Variants in CD226 observed in about 807,000 individuals in gnomAD.
CD226 encodes CD226 antigen.
A neutral mutation model predicts 34.9 loss-of-function variants in CD226; 24 were observed. The ratio of observed to expected loss-of-function variants is 0.69; its 90% CI spans 0.50 to 0.97. The LOEUF (loss-of-function observed/expected upper bound fraction) is 0.97, where lower values mean the gene tolerates loss of function less well. CD226 is among the 50% of genes least tolerant of loss of function. The pLI, the probability that CD226 is intolerant of heterozygous loss-of-function variation, is 0.00. For missense variants in CD226, 397 were observed against 412.7 expected, an observed-to-expected ratio of 0.96 and a Z score of 0.33; for synonymous variants, 148 against 147.4, an observed-to-expected ratio of 1.00 and a Z score of -0.03.
chr18:69,887,142 T>C (rs1334772692), intron 3 of CD226, among the ~76,000 whole-genome samples: 1 of 152,142 alleles, frequency 6.6e-6, no homozygotes, highest in Non-Finnish European at 1.5e-5. Flanking sequence ...AAAAGCAAAA[T>C]GACTTGTTTG....
chr18:69,947,161 T>A (rs1282160874), intron 1 of CD226, 92 bp from the exon 2 acceptor site: 2 of 1,122,042 alleles, frequency 1.8e-6, no homozygotes, highest in Non-Finnish European at 2.6e-6. Flanking sequence ...TGCATTGAGA[T>A]CACAGTAAAG....
At chr18:69,880,266 G>C (rs535129789) in intron 3 of CD226, among the ~76,000 whole-genome samples, 62 of 146,062 alleles carry the variant, frequency 4.2e-4, no homozygotes, top group Non-Finnish European at 7.6e-4. Flanking sequence ...CGGAAAGAAG[G>C]AAGGGGAGGG....
upstream of CD226, among the ~76,000 whole-genome samples, chr18:69,957,350 C>CTTTTTTTTTTTTTTT (rs11373057): frequency 6.7e-6 from 1 of 149,464 alleles, no homozygotes. Context: ...TCTAGATACT[C>CTTTTTTTTTTTTTTT]TTTTTTTTTT....
In CD226 at chr18:69,853,652, T is replaced by C. The variant is rs572617915; in HGVS notation, c.*10662A>G. The C allele has an allele frequency of 5.9e-5, 9 of 152,362 alleles. No homozygotes were observed. The highest frequency in any genetic ancestry group is 1.9e-4 in the East Asian group (1 of 5,182). The allele number at this position is 152,362 out of a possible 1,614,324, so 9.4% of individuals were successfully genotyped here. On this transcript the variant is annotated 3_prime_UTR_variant, in exon 6 of 6. Coordinates refer to ENST00000582621, the MANE Select transcript of CD226 (RefSeq NM_001303618.2). ...GCTTGTGAAATCTGGTGCTTTAGAC[T>C]GAGCTCTGTGATGAGTGAGCATCCC...
At chr18:69,913,322 T>C (rs776240455) in intron 2 of CD226, among the ~76,000 whole-genome samples, 9 of 152,184 alleles carry the variant, frequency 5.9e-5, no homozygotes, top group Admixed American at 1.3e-4. Context: ...AAAGTCCTTA[T>C]TGAAGAGATA....
rs370618254 is a variant in CD226, at chr18:69,875,870, T to G, written c.728-2624A>C. On this transcript the variant is annotated intron_variant, in intron 3 of 5. Transcript: ENST00000582621. ...GTGGAATCTAAAAAAGTCAAACTTA[T>G]AGAAGCAGGGAATAGAACAGTGGTT... 2.2e-4 allele frequency among the ~76,000 whole-genome samples: 34 copies of G among 152,272 alleles called. 1 individual carries two copies. The highest frequency in any genetic ancestry group is 7.9e-4 in the African/African-American group (33 of 41,550).
chr18:69,884,040 T>A (rs1219446332), intron 3 of CD226, among the ~76,000 whole-genome samples: 2 of 152,196 alleles, frequency 1.3e-5, no homozygotes, highest in African/African-American at 4.8e-5. Context: ...ATGGGTTGTA[T>A]AAACATTTAG....
intron 2 of CD226, among the ~76,000 whole-genome samples, chr18:69,936,894 T>C (rs1197186367): frequency 6.6e-6 from 1 of 152,214 alleles, no homozygotes. Context: ...TAAGAAAGAC[T>C]CTTTCTCTGT....
intron 3 of CD226, among the ~76,000 whole-genome samples, chr18:69,880,084 C>A (rs553921754): frequency 4.6e-5 from 7 of 151,488 alleles, no homozygotes; most frequent in Non-Finnish European, 8.8e-5. Context: ...ATGCTCTGCA[C>A]TAGTAGGTAG....
rs542137374 is a variant in CD226 at position 69,882,697 on chromosome 18, A to G, written c.728-9451T>C. The stretch of plus-strand genomic sequence containing the variant: ...AAAGTCAGAATGTCAAGAGCTGCAC[A>G]TACCTTTCTCACTGTCTTAGTGAAT... On this transcript the variant is annotated intron_variant, in intron 3 of 5. Coordinates refer to ENST00000582621, the MANE Select transcript of CD226 (RefSeq NM_001303618.2). Among the ~76,000 whole-genome samples, 156 of 152,352 alleles carry G rather than the reference A, an allele frequency of 1.0e-3. 1 individual carries two copies. Among genetic ancestry groups the G allele is most frequent in the African/African-American group, 3.7e-3 (153 of 41,586 alleles).
rs77879009 is a variant in CD226, at chr18:69,891,785, T to C, written c.727+3916A>G. 6.2e-3 allele frequency among the ~76,000 whole-genome samples: 939 copies of C among 152,342 alleles called. 33 individuals carry two copies. The East Asian group carries it at 0.094, about 15-fold the overall frequency. ...ATTTAAGAATAAACTTAACCAAAAATGTTAAAGACTTGCACACTGAAAATC... is the reference window on the plus strand; with the variant it reads ...ATTTAAGAATAAACTTAACCAAAAACGTTAAAGACTTGCACACTGAAAATC... On this transcript the variant is annotated intron_variant, in intron 3 of 5. Transcript: ENST00000582621.
upstream of CD226, among the ~76,000 whole-genome samples, chr18:69,960,215 G>T (rs1316362504): frequency 1.9e-4 from 29 of 150,890 alleles, no homozygotes; most frequent in African/African-American, 6.8e-4. Flanking sequence ...ACTCCAACCT[G>T]GGTGACAGAG....
chr18:69,881,000 T>A (rs892279471), intron 3 of CD226, among the ~76,000 whole-genome samples: 3 of 152,178 alleles, frequency 2.0e-5, no homozygotes, highest in African/African-American at 7.2e-5. Flanking sequence ...AATAATAATG[T>A]ATACTTCAAA....
intron 1 of CD226, among the ~76,000 whole-genome samples, chr18:69,955,409 A>G (rs1393496767): frequency 6.6e-6 from 1 of 152,248 alleles, no homozygotes; most frequent in Admixed American, 6.5e-5. Flanking sequence ...TGGAAAGCAG[A>G]GGACTGTGAA....
At chr18:69,871,037 G>A (rs1007394799) in intron 4 of CD226, among the ~76,000 whole-genome samples, 11 of 152,106 alleles carry the variant, frequency 7.2e-5, no homozygotes, top group Non-Finnish European at 1.3e-4. Flanking sequence ...GTATTCTACC[G>A]TTCAATTTAG....
intron 2 of CD226, among the ~76,000 whole-genome samples, chr18:69,905,985 A>G (rs1039564914): frequency 6.6e-6 from 1 of 152,240 alleles, no homozygotes; most frequent in African/African-American, 2.4e-5. Context: ...CATAAGTTTG[A>G]TGCCTTTAGA....
At chr18:69,909,065 T>C (rs1156565413) in intron 2 of CD226, among the ~76,000 whole-genome samples, 2 of 152,238 alleles carry the variant, frequency 1.3e-5, no homozygotes, top group Non-Finnish European at 2.9e-5. Context: ...CTCCCTCCTC[T>C]GTTTTACCTC....
At chr18:69,872,112 A>G (rs1450609272) in intron 4 of CD226, among the ~76,000 whole-genome samples, 4 of 149,772 alleles carry the variant, frequency 2.7e-5, no homozygotes, top group Admixed American at 6.6e-5. Flanking sequence ...AACATTACTG[A>G]AGGAGAGGAG....
intron 2 of CD226, among the ~76,000 whole-genome samples, chr18:69,928,879 C>T (rs2055555379): frequency 2.6e-5 from 4 of 152,082 alleles, no homozygotes; most frequent in Admixed American, 2.6e-4. Context: ...CAGAGGATGC[C>T]TAGGGAATTT....
Sources: allele counts gnomAD v4.1 joint callset (sites outside exome capture counted in the v4.1 genomes callset), GRCh38; gene constraint gnomAD v4.1.1; transcripts MANE v1.5; gene names NCBI Gene and HGNC (gene_info 2026-07-23, HGNC 2026-07-21).